The following TTLL9 variants were observed in gnomAD, a reference collection of about 807,000 sequenced individuals.
TTLL9 encodes probable tubulin polyglutamylase TTLL9.
Under a neutral mutation model 65.6 loss-of-function variants are expected in TTLL9, and 47 were observed. The ratio of observed to expected loss-of-function variants is 0.72; its 90% confidence interval spans 0.57 to 0.91. The LOEUF (loss-of-function observed/expected upper bound fraction) is 0.91, where lower values mean the gene tolerates loss of function less well. Among genes scored for constraint, TTLL9 ranks in the 40% least tolerant of loss-of-function variants. The pLI is 0.00. For synonymous variants in TTLL9, 179 were observed against 204.8 expected (o/e 0.87, Z 1.07); for missense variants, 537 against 568.8 (o/e 0.94, Z 0.57).
chr20:31,887,024 G>A (rs1214291304), intron 2 of TTLL9, among the ~76,000 whole-genome samples, 172 bp from the exon 3 acceptor site: 3 of 152,338 alleles, frequency 2.0e-5, no homozygotes, highest in Middle Eastern at 3.4e-3. Context: ...TGGTCCATTT[G>A]CTGGGGACAT....
At chr20:31,896,000 C>T (rs11697957) in intron 3 of TTLL9, among the ~76,000 whole-genome samples, 22,034 of 151,962 alleles carry the variant, frequency 0.14, 1,927 homozygotes, top group Non-Finnish European at 0.19. Flanking sequence ...CCACCATGCC[C>T]GGCTAATGTT....
intron 13 of TTLL9, 133 bp from the exon 14 acceptor site, chr20:31,939,009 T>C (rs927004610): frequency 2.0e-5 from 22 of 1,086,182 alleles, no homozygotes; most frequent in Non-Finnish European, 2.6e-5. Flanking sequence ...AAACAGCCAA[T>C]GAATGGTTGG....
At chr20:31,908,081 G>C (rs1779479357) in intron 4 of TTLL9, among the ~76,000 whole-genome samples, 1 of 152,162 alleles carries the variant, frequency 6.6e-6, no homozygotes, top group Admixed American at 6.5e-5. Flanking sequence ...AGGCCATCTT[G>C]CCTTAGAGTT....
At chr20:31,905,332 C>T (rs2063538703) in intron 4 of TTLL9, among the ~76,000 whole-genome samples, 1 of 152,088 alleles carries the variant, frequency 6.6e-6, no homozygotes, top group African/African-American at 2.4e-5. Flanking sequence ...GCCTCGGCCT[C>T]CCAAAGTGCT....
intron 3 of TTLL9, among the ~76,000 whole-genome samples, chr20:31,890,100 C>CCTT (rs1568753073): frequency 0.016 from 785 of 50,024 alleles, 111 homozygotes; most frequent in African/African-American, 0.038. Flanking sequence ...TTCTTTCCCT[C>CCTT]CCTTCCTTCC....
intron 4 of TTLL9, chr20:31,901,374 T>C (rs2063477493): frequency 6.6e-6 from 1 of 152,194 alleles, no homozygotes; most frequent in African/African-American, 2.4e-5. Flanking sequence ...AACTCGATTG[T>C]GTAATTTATG....
In TTLL9 at chr20:31,934,894, T is replaced by G; in HGVS notation, c.1004+6T>G. 6.2e-7 allele frequency: 1 copy of G among 1,605,802 alleles called. No individual in the cohort carries two copies. The highest frequency in any genetic ancestry group is 8.5e-7 in the Non-Finnish European group (1 of 1,174,440). On this transcript the variant is annotated splice_donor_region_variant and intron_variant, in intron 12 of 14. Coordinates refer to ENST00000535842, the MANE Select transcript of TTLL9 (RefSeq NM_001008409.5). The stretch of plus-strand genomic sequence containing the variant: ...ATCGACCAGGACCTCAAGCCGTAAG[T>G]GGGTGGGTGGGAGAGCCAGGAGGTC...
At chr20:31,897,650 C>T (rs1043573075) in intron 3 of TTLL9, among the ~76,000 whole-genome samples, 10 of 152,106 alleles carry the variant, frequency 6.6e-5, no homozygotes, top group African/African-American at 2.2e-4. Context: ...GGGTGGGAGG[C>T]TCATTACCGC....
chr20:31,918,725 T>C (rs2063773543), intron 6 of TTLL9, among the ~76,000 whole-genome samples: 1 of 152,254 alleles, frequency 6.6e-6, no homozygotes, highest in African/African-American at 2.4e-5. Flanking sequence ...GTAAAATGCC[T>C]GTTCAAGTCT....
intron 14 of TTLL9, among the ~76,000 whole-genome samples, chr20:31,941,628 A>T (rs767336766): frequency 6.6e-6 from 1 of 151,930 alleles, no homozygotes; most frequent in Non-Finnish European, 1.5e-5. Context: ...GTGCAATCAT[A>T]GCTCACTGTA....
chr20:31,876,618 G>A (rs560130646), intron 2 of TTLL9, among the ~76,000 whole-genome samples: 43 of 152,244 alleles, frequency 2.8e-4, no homozygotes, highest in Admixed American at 2.4e-3. Context: ...TTGTCACCTT[G>A]CACATTAACT....
In TTLL9 at chr20:31,943,589, T is replaced by A. The variant is rs561739849; in HGVS notation, c.*568T>A. 2.7e-6 allele frequency: 1 copy of A among 371,620 alleles called. No homozygotes were observed. The highest frequency in any genetic ancestry group is 2.1e-5 in the African/African-American group (1 of 47,100). The allele number at this position is 371,620 out of a possible 1,614,324, so 23.0% of individuals were successfully genotyped here. A position where few individuals can be genotyped will look rare whatever the true frequency, so the allele number is the denominator to read the frequency against. ...AGTACTGAGCCCTAAACACATCCTC[T>A]TCTCCTTGCATGTCAGGGGAGCCCA... On this transcript the variant is annotated 3_prime_UTR_variant, in exon 15 of 15. Coordinates refer to ENST00000535842, the MANE Select transcript of TTLL9 (RefSeq NM_001008409.5).
chr20:31,899,400 C>A (rs560461629), intron 4 of TTLL9, among the ~76,000 whole-genome samples: 294 of 152,256 alleles, frequency 1.9e-3, no homozygotes, highest in African/African-American at 6.9e-3. Flanking sequence ...GAGGCCAAGG[C>A]AGGAGGATTG....
At chr20:31,880,880 G>T (rs1432721753) in intron 2 of TTLL9, among the ~76,000 whole-genome samples, 6 of 113,428 alleles carry the variant, frequency 5.3e-5, no homozygotes, top group African/African-American at 2.1e-4. Flanking sequence ...TTTGAGACAA[G>T]GTCTTACTTG....
At chr20:31,925,727 TA>T in intron 9 of TTLL9, 1 of 677,598 alleles carries the variant, frequency 1.5e-6, no homozygotes, top group Non-Finnish European at 2.6e-6. Context: ...AAGCCTGGTG[TA>T]AAAGCAGGTG....
chr20:31,896,475 C>T (rs1488084152), intron 3 of TTLL9, among the ~76,000 whole-genome samples: 2 of 152,148 alleles, frequency 1.3e-5, no homozygotes, highest in Admixed American at 6.5e-5. Flanking sequence ...TTGATATAAT[C>T]ATGTGATTTC....
intron 11 of TTLL9, 117 bp from the exon 12 acceptor site, chr20:31,934,575 C>T (rs956118777): frequency 1.0e-6 from 1 of 957,256 alleles, no homozygotes; most frequent in Non-Finnish European, 1.5e-6. Context: ...GGGCTCAGGG[C>T]TGGGCCCCTC....
At chr20:31,919,463 G>C (rs2063782459) in intron 6 of TTLL9, among the ~76,000 whole-genome samples, 1 of 152,116 alleles carries the variant, frequency 6.6e-6, no homozygotes, top group South Asian at 2.1e-4. Flanking sequence ...GTGAAGCTAT[G>C]AATTATCCAT....
chr20:31,937,558 G>T, intron 13 of TTLL9, 49 bp downstream of exon 13: 12 of 1,486,998 alleles, frequency 8.1e-6, no homozygotes, highest in Non-Finnish European at 1.1e-5. Context: ...GACAACTGAG[G>T]CTCCCACCAA....
Sources: gnomAD v4.1 joint callset for allele counts (sites outside exome capture counted in the v4.1 genomes callset) on GRCh38, gnomAD v4.1.1 for gene constraint, MANE v1.5 for transcripts, NCBI Gene and HGNC (gene_info 2026-07-23, HGNC 2026-07-21) for gene names.